TENM3: variants seen among roughly 807,000 people sequenced by gnomAD.
TENM3 encodes the protein teneurin-3.
Under a neutral mutation model 255.1 loss-of-function variants are expected in TENM3, and 63 were observed. That is an observed-to-expected ratio of 0.25 (90% CI 0.20 to 0.30). The LOEUF is 0.30. Among genes scored for constraint, TENM3 ranks in the 10% least tolerant of loss-of-function variants. The pLI is 1.00. For missense variants in TENM3, 2,929 were observed against 3,461.1 expected (o/e 0.85, Z 3.86); for synonymous variants, 1,306 against 1,322.3 (o/e 0.99, Z 0.27).
chr4:182,767,415 T>C (rs1763810438), intron 22 of TENM3, among the ~76,000 whole-genome samples: 1 of 152,132 alleles, frequency 6.6e-6, no homozygotes, highest in South Asian at 2.1e-4. Context: ...TACGAGGCTG[T>C]TACAAATTAG....
At chr4:182,184,904 G>T (rs1753050847) in intron 1 of TENM3, among the ~76,000 whole-genome samples, 1 of 152,046 alleles carries the variant, frequency 6.6e-6, no homozygotes, top group African/African-American at 2.4e-5. Context: ...CCAACATGAT[G>T]ACACTGCGTC....
intron 1 of TENM3, among the ~76,000 whole-genome samples, chr4:182,261,462 G>A (rs969375135): frequency 2.6e-5 from 4 of 152,156 alleles, no homozygotes; most frequent in Non-Finnish European, 5.9e-5. Context: ...GCTAATTAAT[G>A]TCAGCACCCC....
the TENM3 span, among the ~76,000 whole-genome samples, chr4:181,691,665 C>G: frequency 6.6e-6 from 1 of 152,082 alleles, no homozygotes; most frequent in African/African-American, 2.4e-5. Context: ...GTTGCGAGAA[C>G]TAGTGTGACC....
intron 18 of TENM3, 65 bp from the exon 19 acceptor site, chr4:182,743,105 C>T (rs1406046530): frequency 7.4e-6 from 11 of 1,495,274 alleles, no homozygotes; most frequent in Non-Finnish European, 9.9e-6. Flanking sequence ...CAATCATGAA[C>T]ATGTTTGCTT....
chr4:181,640,683 C>T, the TENM3 span, among the ~76,000 whole-genome samples: 6 of 152,142 alleles, frequency 3.9e-5, no homozygotes, highest in Admixed American at 2.0e-4. Flanking sequence ...CTAAGTCACC[C>T]AGACTCTGTG....
the TENM3 span, among the ~76,000 whole-genome samples, chr4:181,629,028 T>C: frequency 6.0e-3 from 921 of 152,288 alleles, 6 homozygotes; most frequent in Non-Finnish European, 8.7e-3. Context: ...TGGTTTGTAG[T>C]TCTCCTTGAA....
intron 19 of TENM3, among the ~76,000 whole-genome samples, chr4:182,745,231 A>G (rs765078956): frequency 2.0e-4 from 31 of 152,248 alleles, no homozygotes; most frequent in Non-Finnish European, 3.7e-4. Context: ...ACCTGGCCCC[A>G]TGATCTTTTC....
chr4:182,320,127 CAAAGAGAATGG>C (rs1762962141), intron 1 of TENM3, among the ~76,000 whole-genome samples: 2 of 150,500 alleles, frequency 1.3e-5, no homozygotes, highest in South Asian at 4.2e-4. Context: ...AAAAAAAATC[CAAAGAGAATGG>C]AAAGACGGAT....
the TENM3 span, among the ~76,000 whole-genome samples, chr4:181,563,280 C>T: frequency 6.6e-6 from 1 of 152,146 alleles, no homozygotes; most frequent in Non-Finnish European, 1.5e-5. Context: ...CAATCTTCAC[C>T]ATTTCTCGGC....
intron 3 of TENM3, among the ~76,000 whole-genome samples, chr4:182,505,879 CA>C (rs1220873451): frequency 6.6e-6 from 1 of 152,182 alleles, no homozygotes; most frequent in Non-Finnish European, 1.5e-5. Flanking sequence ...CCCTACATAA[CA>C]AGGTAGAAAG....
the TENM3 span, among the ~76,000 whole-genome samples, chr4:182,040,432 A>C: frequency 1.3e-5 from 2 of 152,164 alleles, no homozygotes; most frequent in African/African-American, 4.8e-5. Flanking sequence ...AGTTTTTTGC[A>C]AAGCAAATTC....
At chr4:182,654,706 G>C (rs191154503) in intron 6 of TENM3, among the ~76,000 whole-genome samples, 1 of 151,946 alleles carries the variant, frequency 6.6e-6, no homozygotes, top group South Asian at 2.1e-4. Context: ...TAGTATATTG[G>C]TGTTCAGCTT....
At chr4:182,183,443 G>T (rs1331953418) in intron 1 of TENM3, among the ~76,000 whole-genome samples, 1 of 152,132 alleles carries the variant, frequency 6.6e-6, no homozygotes, top group Non-Finnish European at 1.5e-5. Context: ...AAGGGACCTT[G>T]ATTATGATTC....
intron 14 of TENM3, 86 bp downstream of exon 14, chr4:182,729,267 C>A: frequency 8.6e-7 from 1 of 1,164,482 alleles, no homozygotes; most frequent in Non-Finnish European, 1.2e-6. Context: ...GACTGTGAAC[C>A]TGAGGAAAGT....
the TENM3 span, among the ~76,000 whole-genome samples, chr4:181,641,045 A>G: frequency 1.3e-5 from 2 of 152,220 alleles, no homozygotes; most frequent in East Asian, 3.9e-4. Flanking sequence ...TATTTTCATT[A>G]CTAAGAGACT....
chr4:182,417,304 A>G (rs1770460516), intron 3 of TENM3, among the ~76,000 whole-genome samples: 1 of 152,072 alleles, frequency 6.6e-6, no homozygotes, highest in African/African-American at 2.4e-5. Context: ...TGCAGATGGA[A>G]AACAATAATA....
the TENM3 span, among the ~76,000 whole-genome samples, chr4:181,501,448 A>G: frequency 6.7e-6 from 1 of 150,108 alleles, no homozygotes; most frequent in South Asian, 2.1e-4. Context: ...GTGCGATCTC[A>G]GCTCACCGCA....
chr4:182,499,485 C>A (rs1189192194), intron 3 of TENM3, among the ~76,000 whole-genome samples: 1 of 152,038 alleles, frequency 6.6e-6, no homozygotes, highest in African/African-American at 2.4e-5. Flanking sequence ...AGCTGCCTAC[C>A]CAACTCTATT....
the TENM3 span, among the ~76,000 whole-genome samples, chr4:181,557,949 G>A: frequency 3.3e-5 from 5 of 152,234 alleles, no homozygotes; most frequent in Admixed American, 3.3e-4. Context: ...GTCTATCGAA[G>A]CCTAAAGTGT....
Sources: allele counts gnomAD v4.1 joint callset (sites outside exome capture counted in the v4.1 genomes callset), GRCh38; gene constraint gnomAD v4.1.1; transcripts MANE v1.5; gene names NCBI Gene and HGNC (gene_info 2026-07-23, HGNC 2026-07-21).